The following RBFOX1 variants were observed in gnomAD, a reference collection of about 807,000 sequenced individuals.
RBFOX1 encodes the protein RNA binding fox-1 homolog 1.
A neutral mutation model predicts 57.7 loss-of-function variants in RBFOX1; 8 were observed. The ratio of observed to expected loss-of-function variants is 0.14; its 90% CI spans 0.08 to 0.25. The LOEUF is 0.25. RBFOX1 is among the 10% of genes least tolerant of loss of function. RBFOX1 has a pLI of 1.00. For missense variants in RBFOX1, 611 were observed against 548.5 expected (o/e 1.11, Z -1.14); for synonymous variants, 326 against 222.4 (o/e 1.47, Z -4.15).
At chr16:6,189,904 C>T (rs1022135708) in intron 1 of RBFOX1, among the ~76,000 whole-genome samples, 2 of 152,100 alleles carry the variant, frequency 1.3e-5, no homozygotes, top group Non-Finnish European at 2.9e-5. Flanking sequence ...GTTGCCTGTG[C>T]TTGAGGGGTA....
intron 4 of RBFOX1, among the ~76,000 whole-genome samples, chr16:5,967,273 A>T (rs1367401630): frequency 1.3e-5 from 2 of 152,190 alleles, no homozygotes; most frequent in African/African-American, 4.8e-5. Flanking sequence ...GCATATATCA[A>T]TCTATGAATA....
chr16:6,882,974 C>T (rs2063265165), intron 3 of RBFOX1, among the ~76,000 whole-genome samples: 1 of 152,104 alleles, frequency 6.6e-6, no homozygotes, highest in South Asian at 2.1e-4. Flanking sequence ...AATAAATTGC[C>T]ATTTCTAAAG....
In RBFOX1 at chr16:7,557,633, AAAAAAAAAAGAAAAAG is replaced by A. The variant is rs1357815120; in HGVS notation, c.271-22134_271-22119del. Among the ~76,000 whole-genome samples the A allele has an allele frequency of 7.4e-4, 104 of 140,908 alleles. 2 individuals are homozygous for A. The highest frequency in any genetic ancestry group is 1.1e-3 in the South Asian group (5 of 4,582). The allele number at this position is 140,908 out of a possible 152,430, so 92.4% of individuals were successfully genotyped here. On this transcript the variant is annotated intron_variant, in intron 5 of 15. Transcript: ENST00000550418. ...AGACTCTGTCTCAAAAAAAAAAAAA[AAAAAAAAAAGAAAAAG>A]AAAAAAAAAAAGCATTTTCTTAAAC...
chr16:5,607,219 G>A (rs1021961940), intron 3 of RBFOX1, among the ~76,000 whole-genome samples: 6 of 152,220 alleles, frequency 3.9e-5, no homozygotes, highest in African/African-American at 1.4e-4. Flanking sequence ...CAAGTGTGCG[G>A]ACGAGATAAC....
At position 5,472,427 on chromosome 16, in the gene RBFOX1, G is replaced by C. The variant is rs564373308; in HGVS notation, c.258+5173G>C. ...GGGGGATCCTCAGGGTTAGATAGGCGAATAACCTTCCCAGGCTACCAGGTC... is the reference window on the plus strand; with the variant it reads ...GGGGGATCCTCAGGGTTAGATAGGCCAATAACCTTCCCAGGCTACCAGGTC... On this transcript the variant is annotated intron_variant, in intron 2 of 2. Transcript: ENST00000585867. Among the ~76,000 whole-genome samples, 3 of 152,256 alleles carry C rather than the reference G, an allele frequency of 2.0e-5. No homozygotes were observed. The South Asian group carries it at 6.2e-4, about 32-fold the overall frequency.
chr16:5,811,218 C>T (rs970348174), intron 3 of RBFOX1, among the ~76,000 whole-genome samples: 2 of 144,450 alleles, frequency 1.4e-5, no homozygotes, highest in African/African-American at 5.3e-5. Context: ...TCTCGGCTCA[C>T]TGCAACTTCC....
intron 1 of RBFOX1, among the ~76,000 whole-genome samples, chr16:6,155,014 G>A (rs2096828650): frequency 6.6e-6 from 1 of 152,118 alleles, no homozygotes; most frequent in African/African-American, 2.4e-5. Flanking sequence ...GAAAATTTTT[G>A]CTAACAAGGG....
chr16:7,015,759 C>T (rs867696890), intron 3 of RBFOX1, among the ~76,000 whole-genome samples: 99 of 150,200 alleles, frequency 6.6e-4, no homozygotes, highest in African/African-American at 2.2e-3. Context: ...ATAACATTTT[C>T]TTTTTTTTTC....
intron 11 of RBFOX1, among the ~76,000 whole-genome samples, chr16:7,632,533 G>A (rs1276115520): frequency 6.6e-6 from 1 of 152,208 alleles, no homozygotes; most frequent in Non-Finnish European, 1.5e-5. Context: ...TTTGTCTTCT[G>A]AACCTGGGAA....
chr16:6,567,284 T>G (rs984021993), intron 2 of RBFOX1, among the ~76,000 whole-genome samples: 3 of 152,220 alleles, frequency 2.0e-5, no homozygotes, highest in Non-Finnish European at 4.4e-5. Context: ...CTTTATCCTG[T>G]GAGGCAAATT....
chr16:7,098,216 C>T (rs1599431110), intron 4 of RBFOX1, among the ~76,000 whole-genome samples: 3 of 152,214 alleles, frequency 2.0e-5, no homozygotes, highest in Non-Finnish European at 2.9e-5. Flanking sequence ...GTCATCCAAG[C>T]TAGAGTGCAG....
chr16:6,784,303 T>C (rs1333316557), intron 3 of RBFOX1, among the ~76,000 whole-genome samples: 1 of 152,150 alleles, frequency 6.6e-6, no homozygotes, highest in African/African-American at 2.4e-5. Flanking sequence ...TTTTGTTCTT[T>C]TTTAGCTTCT....
chr16:6,022,752 T>C (rs550525783), intron 1 of RBFOX1, among the ~76,000 whole-genome samples: 1 of 152,314 alleles, frequency 6.6e-6, no homozygotes, highest in South Asian at 2.1e-4. Flanking sequence ...TTTGTGATAG[T>C]ATTTAATTGT....
chr16:6,763,339 AG>A (rs963369465), intron 3 of RBFOX1, among the ~76,000 whole-genome samples: 2 of 574 alleles, frequency 3.5e-3, no homozygotes, highest in African/African-American at 4.0e-3. Flanking sequence ...GACACTTGTA[AG>A]CCCATCACCA....
At chr16:5,711,892 G>C (rs1225452503) in intron 3 of RBFOX1, among the ~76,000 whole-genome samples, 1 of 152,156 alleles carries the variant, frequency 6.6e-6, no homozygotes, top group Non-Finnish European at 1.5e-5. Flanking sequence ...TGCTTATTTA[G>C]GACCATTGAC....
At chr16:7,341,785 T>TC (rs1178201177) in intron 4 of RBFOX1, among the ~76,000 whole-genome samples, 15 of 71,678 alleles carry the variant, frequency 2.1e-4, no homozygotes, top group Admixed American at 1.6e-3. Flanking sequence ...CCTCCTTCCT[T>TC]CCTTCCTTCC....
intron 3 of RBFOX1, among the ~76,000 whole-genome samples, chr16:6,938,376 A>C (rs2153490690): frequency 6.6e-6 from 1 of 152,318 alleles, no homozygotes; most frequent in African/African-American, 2.4e-5. Flanking sequence ...CACAGCACAT[A>C]GAGCATTACC....
chr16:6,301,879 C>G (rs2078860651), intron 1 of RBFOX1, among the ~76,000 whole-genome samples: 1 of 152,098 alleles, frequency 6.6e-6, no homozygotes, highest in African/African-American at 2.4e-5. Context: ...TTCATTTAAT[C>G]CTTACGGGGA....
chr16:7,178,129 G>A lies in RBFOX1; in HGVS notation c.27+126031G>A, dbSNP rs764274672. 8.5e-5 allele frequency among the ~76,000 whole-genome samples: 13 copies of A among 152,204 alleles called. 1 individual carries two copies. In the East Asian group the frequency reaches 2.3e-3, roughly 27 times the overall value. ...CCCCAGGATGTCAGTGACAGCAGCA[G>A]CAGCAACAACAACAACAAACAAAAA... On this transcript the variant is annotated intron_variant, in intron 4 of 15. Transcript: ENST00000550418.
Sources: allele counts gnomAD v4.1 joint callset (sites outside exome capture counted in the v4.1 genomes callset), GRCh38; gene constraint gnomAD v4.1.1; transcripts MANE v1.5; gene names NCBI Gene and HGNC (gene_info 2026-07-23, HGNC 2026-07-21).